Variants in CACNA2D4 observed in about 807,000 individuals in gnomAD.
The protein encoded by CACNA2D4 is calcium voltage-gated channel auxiliary subunit alpha2delta 4, also known as voltage-dependent calcium channel subunit alpha-2/delta-4.
Under a neutral mutation model 163.8 loss-of-function variants are expected in CACNA2D4, and 157 were observed. The observed-to-expected ratio is 0.96, with a 90% confidence interval of 0.84 to 1.09. CACNA2D4 has a LOEUF of 1.09. CACNA2D4 is among the 50% of genes least tolerant of loss of function. CACNA2D4 has a pLI of 0.00. For synonymous variants in CACNA2D4, 598 were observed against 586.9 expected, an observed-to-expected ratio of 1.02 and a Z score of -0.27; for missense variants, 1,410 against 1,479.9, an observed-to-expected ratio of 0.95 and a Z score of 0.78.
chr12:1,856,789 G>C (rs1224760094), intron 20 of CACNA2D4, among the ~76,000 whole-genome samples: 1 of 152,186 alleles, frequency 6.6e-6, no homozygotes, highest in African/African-American at 2.4e-5. Context: ...CTGAAAGAAC[G>C]ATGAGCTGAT....
chr12:1,806,469 C>T lies in CACNA2D4; in HGVS notation c.2721+3809G>A, dbSNP rs755818581. On this transcript the variant is annotated intron_variant, in intron 29 of 37. Coordinates refer to ENST00000382722, the MANE Select transcript of CACNA2D4 (RefSeq NM_172364.5). The surrounding 1 kb of genome is among the most constrained non-coding windows in gnomAD (Gnocchi z 4.1). ...GAGGCCCTTGTGGTTTCCCCACTCACTGACTACGGGGAGGAGGGTGTGCAA... is the reference window on the plus strand; with the variant it reads ...GAGGCCCTTGTGGTTTCCCCACTCATTGACTACGGGGAGGAGGGTGTGCAA... 6.6e-6 allele frequency among the ~76,000 whole-genome samples: 1 copy of T among 152,224 alleles called. No homozygotes were observed. The highest frequency in any genetic ancestry group is 1.5e-5 in the Non-Finnish European group (1 of 68,028).
intron 18 of CACNA2D4, among the ~76,000 whole-genome samples, chr12:1,865,283 G>C (rs1836502361): frequency 6.6e-6 from 1 of 152,234 alleles, no homozygotes; most frequent in Non-Finnish European, 1.5e-5. Context: ...GGACCTGGGG[G>C]CCTTGATATC....
At chr12:1,859,364 A>C (rs945185680) in intron 19 of CACNA2D4, among the ~76,000 whole-genome samples, 3 of 152,080 alleles carry the variant, frequency 2.0e-5, no homozygotes, top group African/African-American at 7.2e-5. Flanking sequence ...CTCAAAAAAA[A>C]CTGGTTTTGG....
In CACNA2D4 at chr12:1,830,885, TG is replaced by T. The variant is rs751469693; in HGVS notation, c.2551+9853del. 23 of 1,442,850 alleles carry T rather than the reference TG, an allele frequency of 1.6e-5. No individual in the cohort carries two copies. The Admixed American group carries it at 3.9e-4, about 24-fold the overall frequency. 89.4% of individuals were successfully genotyped at this position (1,442,850 alleles called of 1,614,324 possible). On this transcript the variant is annotated intron_variant, in intron 26 of 37. Coordinates refer to ENST00000382722, the MANE Select transcript of CACNA2D4 (RefSeq NM_172364.5). ...GAAAGGAGGGAAGAGAAGCAGGAGGTGGTGACCCGTCCTATTGCTTTCTTTC... is the reference window on the plus strand; with the variant it reads ...GAAAGGAGGGAAGAGAAGCAGGAGGTGTGACCCGTCCTATTGCTTTCTTTC...
At chr12:1,837,792 G>A (rs1360800482) in intron 26 of CACNA2D4, among the ~76,000 whole-genome samples, 1 of 152,100 alleles carries the variant, frequency 6.6e-6, no homozygotes, top group Non-Finnish European at 1.5e-5. Context: ...AAGTCTTCCC[G>A]AGCCCCACTG....
rs752570271 is a variant in CACNA2D4 at position 1,799,862 on chromosome 12, C to T, written c.2974+138G>A. 458 of 1,256,350 alleles carry T rather than the reference C, an allele frequency of 3.6e-4. 3 individuals are homozygous for T. The highest frequency in any genetic ancestry group is 1.8e-4 in the Middle Eastern group (1 of 5,454). 77.8% of individuals were successfully genotyped at this position (1,256,350 alleles called of 1,614,324 possible). A position where few individuals can be genotyped will look rare whatever the true frequency, so the allele number is the denominator to read the frequency against. On this transcript the variant is annotated intron_variant, in intron 33 of 37. Transcript: ENST00000382722. This position sits in a 1 kb window ranked among gnomAD's most constrained non-coding sequence, Gnocchi z 4.7. ...TGAGGGATGTGATGAGAGAAGGCCA[C>T]GCAGGGTGAGATGTGAACAACGATG...
intron 36 of CACNA2D4, 51 bp from the exon 37 acceptor site, chr12:1,795,432 C>G: frequency 1.3e-6 from 2 of 1,542,780 alleles, no homozygotes; most frequent in Non-Finnish European, 1.8e-6. Context: ...GCCCATTCTG[C>G]AGACTGGAAA....
intron 1 of CACNA2D4, 195 bp downstream of exon 1, chr12:1,918,052 G>T: frequency 1.8e-6 from 1 of 569,332 alleles, no homozygotes; most frequent in Admixed American, 3.4e-5. Context: ...AACTCACAGA[G>T]CTTTTGGGAG....
intron 18 of CACNA2D4, among the ~76,000 whole-genome samples, chr12:1,872,985 C>T (rs12368779): frequency 0.084 from 12,720 of 152,152 alleles, 732 homozygotes; most frequent in Middle Eastern, 0.14. Context: ...TGGGAGATCT[C>T]GGAGCAGTTA....
At position 1,801,687 on chromosome 12, in the gene CACNA2D4, G is replaced by A. The variant is rs1281467324; in HGVS notation, c.2722-43C>T. ...CAGAGAGAGAGGGAGGGAGAGAGAT[G>A]GAGCAGGATGGAGCCTTCCGAGTCC... On this transcript the variant is annotated intron_variant, in intron 29 of 37. Transcript: ENST00000382722. 3.8e-6 allele frequency: 5 copies of A among 1,309,248 alleles called. No individual in the cohort carries two copies. The South Asian group carries it at 6.5e-5, about 17-fold the overall frequency. 81.1% of individuals were successfully genotyped at this position (1,309,248 alleles called of 1,614,324 possible).
At chr12:1,837,234 A>G (rs1362907239) in intron 26 of CACNA2D4, among the ~76,000 whole-genome samples, 2 of 152,044 alleles carry the variant, frequency 1.3e-5, no homozygotes, top group African/African-American at 2.4e-5. Context: ...GCACGGTGGG[A>G]GGGGAGGGCA....
chr12:1,838,387 C>T (rs1295400369), intron 26 of CACNA2D4, among the ~76,000 whole-genome samples: 1 of 152,206 alleles, frequency 6.6e-6, no homozygotes, highest in African/African-American at 2.4e-5. Context: ...CGCTCACACG[C>T]TTACAGTGCC....
At chr12:1,801,549 C>A in intron 30 of CACNA2D4, 25 bp downstream of exon 30, 1 of 1,548,396 alleles carries the variant, frequency 6.5e-7, no homozygotes, top group Non-Finnish European at 8.8e-7. Flanking sequence ...TCTATTTGGA[C>A]TGGGGAGGAG....
chr12:1,828,134 G>A lies in CACNA2D4; in HGVS notation c.2551+12605C>T. On this transcript the variant is annotated intron_variant, in intron 26 of 37. Coordinates refer to ENST00000382722, the MANE Select transcript of CACNA2D4 (RefSeq NM_172364.5). This position sits in a 1 kb window ranked among gnomAD's most constrained non-coding sequence, Gnocchi z 4.2. ...TCCCCAGAGCGACAGGGCCCGGAGA[G>A]CCGTGGGCCTCACCATGCTGGCGCC... is the stretch of plus-strand genomic sequence containing the variant. 2.0e-6 allele frequency: 3 copies of A among 1,533,178 alleles called. No individual in the cohort carries two copies. Among genetic ancestry groups the A allele is most frequent in the Non-Finnish European group, 1.8e-6 (2 of 1,138,584 alleles). The allele number at this position is 1,533,178 out of a possible 1,614,324, so 95.0% of individuals were successfully genotyped here.
In CACNA2D4 at chr12:1,869,850, T is replaced by C. The variant is rs931641941; in HGVS notation, c.1878+4754A>G. Among the ~76,000 whole-genome samples, 1 of 152,252 alleles carries C rather than the reference T, an allele frequency of 6.6e-6. No homozygotes were observed. Among genetic ancestry groups the C allele is most frequent in the Admixed American group, 6.5e-5 (1 of 15,288 alleles). On this transcript the variant is annotated intron_variant, in intron 18 of 37. Transcript: ENST00000382722. The surrounding 1 kb of genome is among the most constrained non-coding windows in gnomAD (Gnocchi z 4.7). The stretch of plus-strand genomic sequence containing the variant: ...TCTTTTCCTTTACACAGTTACAATG[T>C]CTGCACTAAAGTCATTCTAATTCTA...
At chr12:1,896,619 ACACAC>A (rs1866408435) in intron 6 of CACNA2D4, among the ~76,000 whole-genome samples, 1 of 136,514 alleles carries the variant, frequency 7.3e-6, no homozygotes, top group Admixed American at 7.1e-5. Flanking sequence ...ACACACACAC[ACACAC>A]ACACACACAC....
rs1426643566 is a variant in CACNA2D4, at chr12:1,833,162, A to G, written c.2551+7577T>C. Among the ~76,000 whole-genome samples the G allele has an allele frequency of 6.6e-6, 1 of 152,204 alleles. No individual in the cohort carries two copies. Among genetic ancestry groups the G allele is most frequent in the African/African-American group, 2.4e-5 (1 of 41,442 alleles). ...TTGCTTTCAACATTGCATTTCTTAA[A>G]AACAAAATCCTGGAATATTTCCATC... On this transcript the variant is annotated intron_variant, in intron 26 of 37. Transcript: ENST00000382722. The surrounding 1 kb of genome is among the most constrained non-coding windows in gnomAD (Gnocchi z 4.2).
At chr12:1,855,783 C>T (rs1865386077) in intron 22 of CACNA2D4, among the ~76,000 whole-genome samples, 1 of 152,214 alleles carries the variant, frequency 6.6e-6, no homozygotes, top group Admixed American at 6.5e-5. Flanking sequence ...ACCTGGGGAT[C>T]CATACATGTT....
At chr12:1,835,432 C>A (rs1342900300) in intron 26 of CACNA2D4, 1 of 152,494 alleles carries the variant, frequency 6.6e-6, no homozygotes, top group Admixed American at 6.5e-5. Context: ...TACACACACA[C>A]ACACACACAC....
Sources: allele counts gnomAD v4.1 joint callset (sites outside exome capture counted in the v4.1 genomes callset), GRCh38; gene constraint gnomAD v4.1.1; non-coding constraint Gnocchi (gnomAD v3.1); transcripts MANE v1.5; gene names NCBI Gene and HGNC (gene_info 2026-07-23, HGNC 2026-07-21).